The following NBAS variants were observed in gnomAD, a reference collection of about 807,000 sequenced individuals.
NBAS encodes NBAS subunit of NRZ tethering complex, also known as NAG/BC035112 fusion.
In NBAS, 219 loss-of-function variants were observed where a neutral mutation model predicts 302.5. The observed-to-expected ratio is 0.72, with a 90% CI of 0.65 to 0.81. The LOEUF (loss-of-function observed/expected upper bound fraction) is 0.81, where lower values mean the gene tolerates loss of function less well. Among genes scored for constraint, NBAS ranks in the 30% least tolerant of loss-of-function variants. NBAS has a pLI of 0.00. For missense variants in NBAS, 2,932 were observed against 2,841.6 expected (o/e 1.03, Z -0.72); for synonymous variants, 1,118 against 1,021.6 (o/e 1.09, Z -1.80).
the NBAS span, among the ~76,000 whole-genome samples, chr2:14,961,098 G>A: frequency 6.6e-6 from 1 of 152,108 alleles, no homozygotes; most frequent in Admixed American, 6.5e-5. Context: ...TCTTTGGAGG[G>A]GTTGACTCTC....
chr2:14,996,462 A>G, the NBAS span, among the ~76,000 whole-genome samples: 62,195 of 152,056 alleles, frequency 0.41, 13,484 homozygotes, highest in African/African-American at 0.49. Context: ...TACAGCACCA[A>G]GCTGTCCGTC....
intron 10 of NBAS, among the ~76,000 whole-genome samples, chr2:15,510,306 G>C (rs1662079782): frequency 6.6e-6 from 1 of 152,160 alleles, no homozygotes; most frequent in South Asian, 2.1e-4. Flanking sequence ...AAGCTAGGAG[G>C]GGCCATAATA....
At chr2:14,906,628 G>C in the NBAS span, among the ~76,000 whole-genome samples, 1 of 152,126 alleles carries the variant, frequency 6.6e-6, no homozygotes, top group Non-Finnish European at 1.5e-5. Flanking sequence ...AACTCGACAG[G>C]GGCAGAAGCC....
At chr2:15,027,760 T>G in the NBAS span, among the ~76,000 whole-genome samples, 1 of 152,236 alleles carries the variant, frequency 6.6e-6, no homozygotes, top group Non-Finnish European at 1.5e-5. Context: ...TGATTTTTAG[T>G]TGTTCATATT....
At chr2:15,366,558 G>C (rs948590107) in intron 32 of NBAS, 22 bp downstream of exon 32, 8 of 1,584,930 alleles carry the variant, frequency 5.0e-6, no homozygotes, top group Middle Eastern at 1.7e-4. Context: ...TTATTCTGCA[G>C]TTTAGTACTC....
At chr2:15,434,787 C>T (rs139593241) in intron 21 of NBAS, among the ~76,000 whole-genome samples, 2 of 152,060 alleles carry the variant, frequency 1.3e-5, no homozygotes, top group East Asian at 1.9e-4. Context: ...TGTGGTAACA[C>T]GGAAAGATCT....
At chr2:15,379,362 A>T (rs1414766271) in intron 30 of NBAS, among the ~76,000 whole-genome samples, 2 of 110,076 alleles carry the variant, frequency 1.8e-5, no homozygotes, top group East Asian at 4.2e-4. Context: ...AGAAATACAC[A>T]GCCTTATAAT....
chr2:15,559,638 T>A (rs1455095592), intron 1 of NBAS, among the ~76,000 whole-genome samples: 1 of 152,216 alleles, frequency 6.6e-6, no homozygotes, highest in East Asian at 1.9e-4. Context: ...ATGAATCAGA[T>A]GTCTGCCCTC....
At chr2:15,473,646 C>T (rs1285354788) in intron 15 of NBAS, among the ~76,000 whole-genome samples, 6 of 152,186 alleles carry the variant, frequency 3.9e-5, no homozygotes, top group East Asian at 3.9e-4. Flanking sequence ...GCTCCTACCA[C>T]GACATTGCAA....
the NBAS span, among the ~76,000 whole-genome samples, chr2:14,950,208 T>TTA: frequency 2.6e-5 from 4 of 152,312 alleles, no homozygotes; most frequent in African/African-American, 9.6e-5. Context: ...TGTATTATTT[T>TTA]TATGCCTTTG....
the NBAS span, among the ~76,000 whole-genome samples, chr2:15,041,694 T>C: frequency 1.3e-5 from 2 of 152,172 alleles, no homozygotes; most frequent in East Asian, 3.9e-4. Flanking sequence ...AGCAAACAGA[T>C]ACTGAACAAG....
intron 35 of NBAS, among the ~76,000 whole-genome samples, chr2:15,339,258 A>C (rs1672740865): frequency 6.6e-6 from 1 of 152,150 alleles, no homozygotes; most frequent in South Asian, 2.1e-4. Context: ...TGGCATGCCT[A>C]CTATGTTTAA....
At chr2:15,206,656 C>T (rs1244200061) in intron 48 of NBAS, among the ~76,000 whole-genome samples, 1 of 152,180 alleles carries the variant, frequency 6.6e-6, no homozygotes, top group Non-Finnish European at 1.5e-5. Context: ...GGACATGGTG[C>T]CCTGCATTCC....
chr2:15,331,255 GTAAT>G (rs1266506805), intron 35 of NBAS, among the ~76,000 whole-genome samples: 1 of 152,122 alleles, frequency 6.6e-6, no homozygotes, highest in Non-Finnish European at 1.5e-5. Flanking sequence ...AAACAAGTAG[GTAAT>G]TAATAGTGTT....
intron 38 of NBAS, among the ~76,000 whole-genome samples, chr2:15,320,721 A>G (rs919502725): frequency 2.6e-5 from 4 of 151,616 alleles, no homozygotes; most frequent in Non-Finnish European, 5.9e-5. Context: ...AAGGAGAACT[A>G]CAAACCACTG....
At chr2:15,390,458 A>G (rs60623737) in intron 28 of NBAS, among the ~76,000 whole-genome samples, 1,906 of 152,308 alleles carry the variant, frequency 0.013, 36 homozygotes, top group African/African-American at 0.043. Context: ...GGGGACAAAT[A>G]AGGAGATGCA....
the NBAS span, among the ~76,000 whole-genome samples, chr2:14,910,580 G>A: frequency 1.5e-4 from 23 of 152,300 alleles, no homozygotes; most frequent in East Asian, 3.7e-3. Flanking sequence ...AGAGGTGCCC[G>A]GTGCAGGCCA....
intron 9 of NBAS, among the ~76,000 whole-genome samples, chr2:15,512,086 G>C (rs1219152407): frequency 6.6e-6 from 1 of 152,112 alleles, no homozygotes; most frequent in Non-Finnish European, 1.5e-5. Flanking sequence ...AAAAAAGTCT[G>C]ACAGTTCCGT....
the NBAS span, among the ~76,000 whole-genome samples, chr2:15,019,256 G>A: frequency 2.6e-5 from 4 of 152,174 alleles, no homozygotes; most frequent in Non-Finnish European, 5.9e-5. Context: ...AAAGGAACAT[G>A]AATTGAGGTA....
Sources: allele counts gnomAD v4.1 joint callset (sites outside exome capture counted in the v4.1 genomes callset), GRCh38; gene constraint gnomAD v4.1.1; transcripts MANE v1.5; gene names NCBI Gene and HGNC (gene_info 2026-07-23, HGNC 2026-07-21).